The following ENPP6 variants were observed in gnomAD, a reference collection of about 807,000 sequenced individuals.
ENPP6 encodes ectonucleotide pyrophosphatase/phosphodiesterase 6.
In ENPP6, 32 loss-of-function variants were observed where a neutral mutation model predicts 42.0. That is an observed-to-expected ratio of 0.76 (90% CI 0.58 to 1.02). The LOEUF (loss-of-function observed/expected upper bound fraction) is 1.02, where lower values mean the gene tolerates loss of function less well. ENPP6 is among the 50% of genes least tolerant of loss of function. The pLI, the probability that ENPP6 is intolerant of heterozygous loss-of-function variation, is 0.00. For synonymous variants in ENPP6, 213 were observed against 216.0 expected (o/e 0.99, Z 0.12); for missense variants, 552 against 566.8 (o/e 0.97, Z 0.27).
intron 1 of ENPP6, among the ~76,000 whole-genome samples, chr4:184,180,928 C>G: frequency 6.6e-6 from 1 of 152,206 alleles, no homozygotes; most frequent in East Asian, 1.9e-4. Flanking sequence ...AAACTGGAAG[C>G]ATTCCCCTTG....
intron 1 of ENPP6, among the ~76,000 whole-genome samples, chr4:184,165,458 G>A (rs1737332988): frequency 6.6e-6 from 1 of 152,162 alleles, no homozygotes. Flanking sequence ...CTCCAGCCAC[G>A]GTGTAGCCTC....
At chr4:184,101,670 C>T (rs1736006883) in intron 6 of ENPP6, among the ~76,000 whole-genome samples, 1 of 152,174 alleles carries the variant, frequency 6.6e-6, no homozygotes, top group Admixed American at 6.5e-5. Flanking sequence ...GTTTGAAAAC[C>T]AGGACAGTCC....
chr4:184,206,251 AT>A lies in ENPP6; in HGVS notation c.241+11327del, dbSNP rs1554000365. 6.8e-3 allele frequency among the ~76,000 whole-genome samples: 635 copies of A among 93,324 alleles called. 2 individuals carry two copies. The highest frequency in any genetic ancestry group is 0.025 in the African/African-American group (563 of 22,412). The allele number at this position is 93,324 out of a possible 152,430, so 61.2% of individuals were successfully genotyped here. A position where few individuals can be genotyped will look rare whatever the true frequency, so the allele number is the denominator to read the frequency against. On this transcript the variant is annotated intron_variant, in intron 1 of 7. Transcript: ENST00000296741. ...GAACAGCCCCTCAAAGGAAGCTTGA[AT>A]TTTTTTTTTTTTTTTTTTTTTTTGA...
intron 1 of ENPP6, chr4:184,216,709 T>C (rs1217040363): frequency 6.6e-6 from 1 of 152,230 alleles, no homozygotes; most frequent in Non-Finnish European, 1.5e-5. Flanking sequence ...ACAAAGGTTA[T>C]AGCTGAAAAA....
chr4:184,108,965 C>T (rs573097797), intron 6 of ENPP6, among the ~76,000 whole-genome samples: 2 of 152,360 alleles, frequency 1.3e-5, no homozygotes, highest in Admixed American at 6.5e-5. Flanking sequence ...CATCCCAGCA[C>T]TTTGGGAGGC....
chr4:184,180,831 C>T (rs759138911), intron 1 of ENPP6, among the ~76,000 whole-genome samples: 15 of 152,126 alleles, frequency 9.9e-5, no homozygotes, highest in Non-Finnish European at 1.8e-4. Context: ...TAAAAACTCT[C>T]GATAAACTAG....
chr4:184,111,120 T>C (rs114643964), intron 6 of ENPP6, among the ~76,000 whole-genome samples: 109 of 152,254 alleles, frequency 7.2e-4, no homozygotes, highest in African/African-American at 2.6e-3. Context: ...AAGCCTGTTT[T>C]CCACCAAGAT....
At chr4:184,131,157 C>CT (rs1177373473) in intron 2 of ENPP6, among the ~76,000 whole-genome samples, 1 of 51,486 alleles carries the variant, frequency 1.9e-5, no homozygotes, top group African/African-American at 8.9e-5. Flanking sequence ...TTCTTTCTTT[C>CT]TTTCTTTCTT....
intron 1 of ENPP6, among the ~76,000 whole-genome samples, chr4:184,172,010 C>T (rs1737475698): frequency 6.6e-6 from 1 of 152,080 alleles, no homozygotes; most frequent in South Asian, 2.1e-4. Context: ...ATTGGCTAGG[C>T]GGCCGGGAGG....
chr4:184,201,303 C>T (rs1214379211), intron 1 of ENPP6, among the ~76,000 whole-genome samples: 1 of 152,138 alleles, frequency 6.6e-6, no homozygotes, highest in Non-Finnish European at 1.5e-5. Flanking sequence ...CCACTTTTGG[C>T]ACAGCACTCA....
At chr4:184,125,093 A>G (rs920333481) in intron 2 of ENPP6, among the ~76,000 whole-genome samples, 1 of 152,130 alleles carries the variant, frequency 6.6e-6, no homozygotes, top group Non-Finnish European at 1.5e-5. Context: ...TCCTTCCGGG[A>G]GCATCCCAGA....
At chr4:184,120,501 C>T (rs367571667) in intron 3 of ENPP6, among the ~76,000 whole-genome samples, 64 of 152,270 alleles carry the variant, frequency 4.2e-4, no homozygotes, top group Admixed American at 1.5e-3. Context: ...AGCAGTTGTC[C>T]GGCCCACTGT....
intron 1 of ENPP6, among the ~76,000 whole-genome samples, chr4:184,187,983 C>A (rs1454145394): frequency 1.3e-5 from 2 of 152,188 alleles, no homozygotes; most frequent in Non-Finnish European, 2.9e-5. Flanking sequence ...CAGAACAAGA[C>A]CAAGTCCTGC....
intron 1 of ENPP6, among the ~76,000 whole-genome samples, chr4:184,201,874 G>C (rs942608587): frequency 1.3e-5 from 2 of 152,158 alleles, no homozygotes; most frequent in African/African-American, 2.4e-5. Context: ...TATAGTTTAA[G>C]TGGAAAAAAT....
intron 2 of ENPP6, among the ~76,000 whole-genome samples, chr4:184,136,807 CT>C (rs1465112995): frequency 6.6e-6 from 1 of 152,216 alleles, no homozygotes; most frequent in Non-Finnish European, 1.5e-5. Context: ...CCATGATGCT[CT>C]TTCCTGTTTC....
At chr4:184,131,197 C>G (rs894380034) in intron 2 of ENPP6, among the ~76,000 whole-genome samples, 65 of 48,012 alleles carry the variant, frequency 1.4e-3, no homozygotes, top group African/African-American at 4.4e-3. Context: ...TTCTTTCTTT[C>G]TTTCTTCTTT....
intron 5 of ENPP6, among the ~76,000 whole-genome samples, chr4:184,114,681 T>A (rs1462363960): frequency 6.6e-6 from 1 of 151,026 alleles, no homozygotes; most frequent in Admixed American, 6.6e-5. Context: ...GAAGGCGCTC[T>A]CCCTAGCTCA....
intron 1 of ENPP6, among the ~76,000 whole-genome samples, chr4:184,188,968 G>A (rs972094934): frequency 6.6e-6 from 1 of 152,208 alleles, no homozygotes; most frequent in South Asian, 2.1e-4. Flanking sequence ...GCAAGTGGAT[G>A]CATTTGCCAT....
intron 1 of ENPP6, among the ~76,000 whole-genome samples, chr4:184,188,799 C>G (rs1021343627): frequency 1.3e-5 from 2 of 152,008 alleles, no homozygotes; most frequent in African/African-American, 4.8e-5. Context: ...ATTGTTAATC[C>G]CCTGGGCCTA....
Sources: allele counts gnomAD v4.1 joint callset (sites outside exome capture counted in the v4.1 genomes callset), GRCh38; gene constraint gnomAD v4.1.1; transcripts MANE v1.5; gene names NCBI Gene and HGNC (gene_info 2026-07-23, HGNC 2026-07-21).